Variants in HERC4 observed in about 807,000 individuals in gnomAD.
HERC4 encodes probable E3 ubiquitin-protein ligase HERC4.
In HERC4, 28 loss-of-function variants were observed where a neutral mutation model predicts 124.3. The observed-to-expected ratio is 0.23, with a 90% CI of 0.17 to 0.31. The LOEUF is 0.31. Ranked by LOEUF, HERC4 falls within the 10% of genes least tolerant of loss-of-function variation. The pLI is 1.00. For synonymous variants in HERC4, 407 were observed against 421.5 expected (o/e 0.97, Z 0.42); for missense variants, 713 against 1,229.3 (o/e 0.58, Z 6.28).
At chr10:68,023,598 C>T (rs1225766028) in intron 8 of HERC4, among the ~76,000 whole-genome samples, 1 of 151,996 alleles carries the variant, frequency 6.6e-6, no homozygotes, top group Non-Finnish European at 1.5e-5. Flanking sequence ...TTCAGTTTTG[C>T]AAGATAAAAA....
At chr10:67,974,154 C>T (rs2035441716) in intron 15 of HERC4, among the ~76,000 whole-genome samples, 1 of 145,234 alleles carries the variant, frequency 6.9e-6, no homozygotes. Flanking sequence ...GACAACCTTT[C>T]TTAGTTGAAA....
rs774453477 is a variant in HERC4, at chr10:67,991,133, C to G, written c.1331+7G>C. The G allele has an allele frequency of 1.2e-5, 19 of 1,521,666 alleles. No individual in the cohort carries two copies. Among genetic ancestry groups the G allele is most frequent in the Non-Finnish European group, 8.8e-7 (1 of 1,131,302 alleles). The allele number at this position is 1,521,666 out of a possible 1,614,324, so 94.3% of individuals were successfully genotyped here. A position where few individuals can be genotyped will look rare whatever the true frequency, so the allele number is the denominator to read the frequency against. Reference sequence around the variant, plus strand: ...AAATTTCAGCATATTAAAGAATTGCCACTTACCTAACAGCTAAAAAACTTC... The same window carrying G: ...AAATTTCAGCATATTAAAGAATTGCGACTTACCTAACAGCTAAAAAACTTC... On this transcript the variant is annotated splice_region_variant and intron_variant, in intron 12 of 24. Coordinates refer to ENST00000373700, the MANE Select transcript of HERC4 (RefSeq NM_015601.4).
At chr10:68,021,064 G>A (rs1415676605) in intron 8 of HERC4, among the ~76,000 whole-genome samples, 3 of 152,112 alleles carry the variant, frequency 2.0e-5, no homozygotes, top group African/African-American at 7.2e-5. Context: ...CAAATATGGG[G>A]AAAGACATGA....
At chr10:67,970,474 C>A (rs757178838) in intron 15 of HERC4, among the ~76,000 whole-genome samples, 1 of 152,140 alleles carries the variant, frequency 6.6e-6, no homozygotes. Context: ...TGCCTGTAAT[C>A]CCAGCAACTT....
intron 19 of HERC4, among the ~76,000 whole-genome samples, chr10:67,947,911 G>T (rs1284960688): frequency 7.3e-6 from 1 of 137,012 alleles, no homozygotes; most frequent in Non-Finnish European, 1.5e-5. Context: ...GGCTGGTCTC[G>T]AATTCCTGAC....
At chr10:68,016,465 G>A (rs1483799861) in intron 8 of HERC4, among the ~76,000 whole-genome samples, 1 of 152,136 alleles carries the variant, frequency 6.6e-6, no homozygotes, top group Non-Finnish European at 1.5e-5. Flanking sequence ...CGAGTCTCCT[G>A]CCTCAGCCTC....
rs189813506 is a variant in HERC4, at chr10:67,928,872, G to C, written c.2839-3685C>G. On this transcript the variant is annotated intron_variant, in intron 23 of 24. Coordinates refer to ENST00000373700, the MANE Select transcript of HERC4 (RefSeq NM_015601.4). ...GGAGGCGGAGGCTGCAGTGAGCCAA[G>C]ATTGAGCCACTGCACTCCAGCCTGG... is the stretch of plus-strand genomic sequence containing the variant. 9.3e-3 allele frequency among the ~76,000 whole-genome samples: 1,417 copies of C among 151,974 alleles called. 25 individuals carry two copies. Among genetic ancestry groups the C allele is most frequent in the African/African-American group, 0.033 (1,354 of 41,462 alleles).
intron 9 of HERC4, among the ~76,000 whole-genome samples, chr10:68,012,441 C>T (rs537512654): frequency 2.0e-5 from 3 of 152,218 alleles, no homozygotes; most frequent in South Asian, 4.1e-4. Flanking sequence ...TACTTAGAGG[C>T]CACTGTAGGG....
intron 21 of HERC4, among the ~76,000 whole-genome samples, chr10:67,936,862 G>A (rs1269798895): frequency 1.3e-5 from 2 of 152,014 alleles, no homozygotes; most frequent in Non-Finnish European, 2.9e-5. Context: ...ACTATGATGG[G>A]AGTGGGATGT....
chr10:68,050,076 C>G (rs2040220080), intron 3 of HERC4, among the ~76,000 whole-genome samples: 1 of 152,014 alleles, frequency 6.6e-6, no homozygotes, highest in Non-Finnish European at 1.5e-5. Flanking sequence ...ACCTATAATC[C>G]CAGCTACTCA....
At chr10:68,036,094 C>T (rs2039448612) in intron 5 of HERC4, among the ~76,000 whole-genome samples, 1 of 151,886 alleles carries the variant, frequency 6.6e-6, no homozygotes. Context: ...GCGGGAGGAT[C>T]ACCAGGTCAG....
intron 8 of HERC4, among the ~76,000 whole-genome samples, chr10:68,017,989 T>G (rs2038370308): frequency 6.6e-6 from 1 of 152,202 alleles, no homozygotes; most frequent in Non-Finnish European, 1.5e-5. Context: ...AGCTGTTCTA[T>G]TTCCAAAAAT....
At chr10:68,024,880 GT>G (rs1190163237) in intron 8 of HERC4, among the ~76,000 whole-genome samples, 1 of 152,126 alleles carries the variant, frequency 6.6e-6, no homozygotes, top group Non-Finnish European at 1.5e-5. Context: ...GAAGCTCAAT[GT>G]CAAAGACTCT....
chr10:68,046,500 T>C (rs1554827015), intron 3 of HERC4, among the ~76,000 whole-genome samples: 1 of 152,234 alleles, frequency 6.6e-6, no homozygotes, highest in Non-Finnish European at 1.5e-5. Context: ...TAAACAGTTG[T>C]ATTGTACACT....
chr10:67,957,180 A>C (rs1417713627), intron 16 of HERC4, among the ~76,000 whole-genome samples: 1 of 152,228 alleles, frequency 6.6e-6, no homozygotes, highest in Non-Finnish European at 1.5e-5. Flanking sequence ...TTAGGGGGCG[A>C]CTGTATACTT....
At chr10:68,024,770 C>T (rs1340198518) in intron 8 of HERC4, among the ~76,000 whole-genome samples, 1 of 152,134 alleles carries the variant, frequency 6.6e-6, no homozygotes, top group East Asian at 1.9e-4. Context: ...AAAAAAGGTA[C>T]ATTTTGCTAC....
At chr10:68,061,879 T>TAAAAAAAAAAA (rs71470503) in intron 3 of HERC4, among the ~76,000 whole-genome samples, 3 of 54,880 alleles carry the variant, frequency 5.5e-5, no homozygotes, top group African/African-American at 1.7e-4. Flanking sequence ...AGACTCCATT[T>TAAAAAAAAAAA]AAAAAAAAAA....
chr10:68,003,095 G>A (rs968197745), intron 9 of HERC4, among the ~76,000 whole-genome samples: 2 of 151,310 alleles, frequency 1.3e-5, no homozygotes, highest in Non-Finnish European at 2.9e-5. Flanking sequence ...AATTATTCTC[G>A]ACTGTAGTCA....
At chr10:68,062,249 A>T (rs2041063527) in intron 3 of HERC4, among the ~76,000 whole-genome samples, 1 of 152,176 alleles carries the variant, frequency 6.6e-6, no homozygotes, top group African/African-American at 2.4e-5. Flanking sequence ...GAATCTTTTA[A>T]CTTGCCTCTT....
Sources: gnomAD v4.1 joint callset for allele counts (sites outside exome capture counted in the v4.1 genomes callset) on GRCh38, gnomAD v4.1.1 for gene constraint, MANE v1.5 for transcripts, NCBI Gene and HGNC (gene_info 2026-07-23, HGNC 2026-07-21) for gene names.